Variants in CAMKMT observed in about 807,000 individuals in gnomAD.
The protein encoded by CAMKMT is calmodulin-lysine N-methyltransferase.
In CAMKMT, 53 loss-of-function variants were observed where a neutral mutation model predicts 48.0. The observed-to-expected ratio is 1.10, with a 90% CI of 0.89 to 1.39. CAMKMT has a LOEUF of 1.39. CAMKMT is among the 40% of genes most tolerant of loss of function. The pLI is 0.00. For missense variants in CAMKMT, 428 were observed against 402.7 expected (o/e 1.06, Z -0.54); for synonymous variants, 165 against 152.3 (o/e 1.08, Z -0.61).
At chr2:44,716,891 TTG>T (rs1044527904) in intron 7 of CAMKMT, among the ~76,000 whole-genome samples, 33 of 152,278 alleles carry the variant, frequency 2.2e-4, no homozygotes, top group South Asian at 8.3e-4. Context: ...TGAAGAGAGA[TTG>T]TGTTTTTACA....
intron 8 of CAMKMT, among the ~76,000 whole-genome samples, chr2:44,745,955 C>A (rs770768729): frequency 3.3e-5 from 5 of 152,058 alleles, no homozygotes; most frequent in Non-Finnish European, 7.4e-5. Flanking sequence ...CTTCTAGGGG[C>A]AGGCAGGCAG....
intron 8 of CAMKMT, among the ~76,000 whole-genome samples, chr2:44,748,178 A>C (rs1182678340): frequency 1.3e-5 from 2 of 152,244 alleles, no homozygotes; most frequent in African/African-American, 2.4e-5. Flanking sequence ...AAGTGAGCTT[A>C]CTTGGAATAA....
intron 3 of CAMKMT, among the ~76,000 whole-genome samples, chr2:44,479,556 A>G (rs1668862613): frequency 6.6e-6 from 1 of 152,238 alleles, no homozygotes; most frequent in South Asian, 2.1e-4. Flanking sequence ...GTGCCTACAC[A>G]TTCATCACAT....
intron 3 of CAMKMT, chr2:44,550,611 T>C (rs1667654183): frequency 6.6e-6 from 1 of 152,188 alleles, no homozygotes; most frequent in South Asian, 2.1e-4. Flanking sequence ...AGGCTCCGTC[T>C]ATCTTTTTTC....
chr2:44,429,807 CAA>C (rs1168195679), intron 3 of CAMKMT, among the ~76,000 whole-genome samples: 5 of 64,766 alleles, frequency 7.7e-5, no homozygotes, highest in South Asian at 6.9e-4. Context: ...GACTCCGTCT[CAA>C]AAAAAAAAAA....
chr2:44,599,474 C>T (rs13390504), intron 3 of CAMKMT, among the ~76,000 whole-genome samples: 60,861 of 151,778 alleles, frequency 0.4, 14,282 homozygotes, highest in Middle Eastern at 0.54. Context: ...ACATCAATAT[C>T]GTTTTCCTTT....
intron 7 of CAMKMT, among the ~76,000 whole-genome samples, chr2:44,721,824 TGAAAA>T (rs1482287095): frequency 7.2e-6 from 1 of 138,798 alleles, no homozygotes; most frequent in African/African-American, 2.7e-5. Flanking sequence ...CCCCATCTAT[TGAAAA>T]GAAAAGAAGA....
chr2:44,557,734 G>T (rs533783458), intron 3 of CAMKMT, among the ~76,000 whole-genome samples: 4 of 152,176 alleles, frequency 2.6e-5, no homozygotes, highest in Non-Finnish European at 5.9e-5. Flanking sequence ...TTGTTACCGG[G>T]AGGTGATCAC....
intron 3 of CAMKMT, among the ~76,000 whole-genome samples, chr2:44,405,077 A>G (rs1038962990): frequency 6.6e-6 from 1 of 152,048 alleles, no homozygotes; most frequent in Non-Finnish European, 1.5e-5. Flanking sequence ...TGATAGATAC[A>G]TGGGAGTTCA....
intron 3 of CAMKMT, among the ~76,000 whole-genome samples, chr2:44,468,537 G>A (rs1015317136): frequency 4.6e-5 from 7 of 152,188 alleles, no homozygotes; most frequent in Non-Finnish European, 7.3e-5. Context: ...ATATTGAAGA[G>A]CTATCTGCAC....
chr2:44,445,125 A>G (rs1191726353), intron 3 of CAMKMT, among the ~76,000 whole-genome samples: 4 of 152,192 alleles, frequency 2.6e-5, no homozygotes, highest in Non-Finnish European at 5.9e-5. Flanking sequence ...CATGGCATAA[A>G]TGAGGTCCCG....
intron 3 of CAMKMT, among the ~76,000 whole-genome samples, chr2:44,564,070 G>C (rs1668479557): frequency 6.6e-6 from 1 of 151,976 alleles, no homozygotes; most frequent in Admixed American, 6.6e-5. Flanking sequence ...CACAATGATT[G>C]AACTAGTTTA....
At chr2:44,495,750 A>T (rs1422050765) in intron 3 of CAMKMT, among the ~76,000 whole-genome samples, 2 of 152,118 alleles carry the variant, frequency 1.3e-5, no homozygotes, top group Non-Finnish European at 1.5e-5. Context: ...AGCAGCTGTC[A>T]CAGTGTAGTT....
At chr2:44,397,611 T>C (rs756988489) in intron 3 of CAMKMT, among the ~76,000 whole-genome samples, 4 of 151,886 alleles carry the variant, frequency 2.6e-5, no homozygotes, top group African/African-American at 4.8e-5. Context: ...GTGCCCCTAA[T>C]TCATAAACAG....
intron 3 of CAMKMT, among the ~76,000 whole-genome samples, chr2:44,605,354 T>C (rs925909531): frequency 4.6e-5 from 7 of 152,178 alleles, no homozygotes; most frequent in African/African-American, 1.7e-4. Context: ...GTAGCACATT[T>C]TTTTGAACAT....
chr2:44,596,848 A>C (rs12622145), intron 3 of CAMKMT, among the ~76,000 whole-genome samples: 98,003 of 152,028 alleles, frequency 0.64, 32,086 homozygotes, highest in Middle Eastern at 0.74. Flanking sequence ...AAAATTATGC[A>C]TATATAATAG....
At chr2:44,707,533 TA>T in intron 6 of CAMKMT, 71 bp downstream of exon 6, 1 of 1,342,070 alleles carries the variant, frequency 7.5e-7, no homozygotes, top group Non-Finnish European at 1.1e-6. Context: ...ACAATTGATA[TA>T]AAGAAAGACA....
rs150663574 is a variant in CAMKMT at position 44,621,112 on chromosome 2, C to T, written c.377-83171C>T. 4.3e-3 allele frequency among the ~76,000 whole-genome samples: 653 copies of T among 151,906 alleles called. 2 individuals are homozygous for T. Among genetic ancestry groups the T allele is most frequent in the African/African-American group, 0.015 (617 of 41,400 alleles). On this transcript the variant is annotated intron_variant, in intron 3 of 10. Coordinates refer to ENST00000378494, the MANE Select transcript of CAMKMT (RefSeq NM_024766.5). ...TGAAACCCCGTCTCTACTAAAAATA[C>T]AAAAAATTAGCTGGGCGTGGTGATG...
At chr2:44,431,830 T>C (rs1013497774) in intron 3 of CAMKMT, among the ~76,000 whole-genome samples, 5 of 152,104 alleles carry the variant, frequency 3.3e-5, no homozygotes, top group African/African-American at 4.8e-5. Flanking sequence ...AACACTCCCA[T>C]TGGGAAATGG....
Sources: allele counts gnomAD v4.1 joint callset (sites outside exome capture counted in the v4.1 genomes callset), GRCh38; gene constraint gnomAD v4.1.1; transcripts MANE v1.5; gene names NCBI Gene and HGNC (gene_info 2026-07-23, HGNC 2026-07-21).